The following IGSF21 variants were observed in gnomAD, a reference collection of about 807,000 sequenced individuals.
IGSF21 encodes the protein immunoglobulin superfamily member 21.
IGSF21 carries 28 observed loss-of-function variants against 46.8 expected under a neutral mutation model. That is an observed-to-expected ratio of 0.60 (90% confidence interval 0.44 to 0.82). IGSF21 has a LOEUF of 0.82. Ranked by LOEUF, IGSF21 falls within the 40% of genes least tolerant of loss-of-function variation. IGSF21 has a pLI of 0.00. For missense variants in IGSF21, 624 were observed against 665.5 expected (o/e 0.94, Z 0.69); for synonymous variants, 284 against 273.6 (o/e 1.04, Z -0.38).
In IGSF21 at chr1:18,337,259, G is replaced by C. The variant is rs1233305920; in HGVS notation, c.424+2249G>C. 1.3e-5 allele frequency among the ~76,000 whole-genome samples: 2 copies of C among 152,098 alleles called. No individual in the cohort carries two copies. The highest frequency in any genetic ancestry group is 2.9e-5 in the Non-Finnish European group (2 of 68,014). On this transcript the variant is annotated intron_variant, in intron 4 of 9. Transcript: ENST00000251296. This position sits in a 1 kb window ranked among gnomAD's most constrained non-coding sequence, Gnocchi z 5.7. ...GCCTGATGGTCTCTGCTGAGCAAGG[G>C]AGTGTGCTCCTGTGGGCCTCAATTT...
At chr1:18,239,168 C>G (rs1171540349) in intron 2 of IGSF21, among the ~76,000 whole-genome samples, 1 of 152,090 alleles carries the variant, frequency 6.6e-6, no homozygotes, top group Non-Finnish European at 1.5e-5. Context: ...TTTCCTATGC[C>G]CTGTTGGGTT....
intron 1 of IGSF21, among the ~76,000 whole-genome samples, chr1:18,196,611 CAG>C (rs1347512065): frequency 2.0e-5 from 3 of 152,220 alleles, no homozygotes; most frequent in African/African-American, 7.2e-5. Flanking sequence ...GTCTAGTTGA[CAG>C]AGTCTGTTAG....
intron 1 of IGSF21, among the ~76,000 whole-genome samples, chr1:18,198,898 T>C (rs538298013): frequency 6.6e-6 from 1 of 152,204 alleles, no homozygotes; most frequent in Admixed American, 6.5e-5. Flanking sequence ...GGAAGACCTC[T>C]CCCCTGCCCC....
intron 1 of IGSF21, among the ~76,000 whole-genome samples, chr1:18,129,820 G>A (rs577039638): frequency 1.1e-4 from 16 of 152,240 alleles, no homozygotes; most frequent in African/African-American, 2.9e-4. Flanking sequence ...TAGGTCACGC[G>A]GGCTCCACAC....
At chr1:18,362,365 T>G in intron 5 of IGSF21, 135 bp downstream of exon 5, 2 of 655,290 alleles carry the variant, frequency 3.1e-6, no homozygotes, top group Non-Finnish European at 5.4e-6. Context: ...CCCATCTGCC[T>G]TGGTCTGATC....
chr1:18,124,965 C>A (rs1362042705), intron 1 of IGSF21, among the ~76,000 whole-genome samples: 1 of 152,134 alleles, frequency 6.6e-6, no homozygotes, highest in African/African-American at 2.4e-5. Context: ...AGGGCAAAGG[C>A]ACTCGAGGGG....
chr1:18,289,845 GA>G (rs1446123312), intron 2 of IGSF21, among the ~76,000 whole-genome samples: 1 of 152,202 alleles, frequency 6.6e-6, no homozygotes, highest in Non-Finnish European at 1.5e-5. Flanking sequence ...CCCCCCAAGT[GA>G]AAAGGCCCTG....
chr1:18,149,327 G>C (rs144832141), intron 1 of IGSF21, among the ~76,000 whole-genome samples: 1 of 152,134 alleles, frequency 6.6e-6, no homozygotes, highest in Non-Finnish European at 1.5e-5. Flanking sequence ...CCGAGGCTTC[G>C]GGGCAAGGGA....
chr1:18,181,305 C>A (rs1485689714), intron 1 of IGSF21, among the ~76,000 whole-genome samples: 1 of 152,252 alleles, frequency 6.6e-6, no homozygotes, highest in Non-Finnish European at 1.5e-5. Flanking sequence ...CACTGCCCTG[C>A]TCGGCTTCTT....
Position 18,364,969 on chromosome 1 carries a change from A to C in IGSF21, c.541-254A>C, listed in dbSNP as rs571341740. On this transcript the variant is annotated intron_variant, in intron 5 of 9. Coordinates refer to ENST00000251296, the MANE Select transcript of IGSF21 (RefSeq NM_032880.5). ...TGACAAGTGAAGAAACTGAGGCTCA[A>C]AAAACCTCATCAGTTGGTAAATGAT... Among the ~76,000 whole-genome samples, 6 of 152,274 alleles carry C rather than the reference A, an allele frequency of 3.9e-5. No homozygotes were observed. The South Asian group carries it at 6.2e-4, about 16-fold the overall frequency.
At chr1:18,174,428 G>C (rs2124462691) in intron 1 of IGSF21, among the ~76,000 whole-genome samples, 1 of 152,296 alleles carries the variant, frequency 6.6e-6, no homozygotes, top group South Asian at 2.1e-4. Context: ...TGAAGTGAGG[G>C]AACTGCATGG....
intron 6 of IGSF21, among the ~76,000 whole-genome samples, chr1:18,367,421 C>A (rs1239490949): frequency 6.6e-6 from 1 of 152,016 alleles, no homozygotes; most frequent in Non-Finnish European, 1.5e-5. Context: ...AGTACTTTGC[C>A]AAGTCGTTAA....
chr1:18,222,786 A>G (rs977592256), intron 1 of IGSF21, among the ~76,000 whole-genome samples: 1 of 152,148 alleles, frequency 6.6e-6, no homozygotes, highest in Non-Finnish European at 1.5e-5. Context: ...ATTTTGTGAG[A>G]TCAGGGCTGG....
In IGSF21 at chr1:18,252,045, G is replaced by GTTTTTTT. The variant is rs59704256; in HGVS notation, c.183+24052_183+24058dup. 7.8e-4 allele frequency among the ~76,000 whole-genome samples: 56 copies of GTTTTTTT among 72,080 alleles called. 1 individual carries two copies. Among genetic ancestry groups the GTTTTTTT allele is most frequent in the Admixed American group, 9.9e-4 (5 of 5,070 alleles). 47.3% of individuals were successfully genotyped at this position (72,080 alleles called of 152,430 possible). On this transcript the variant is annotated intron_variant, in intron 2 of 9. Transcript: ENST00000251296. ...GGCTGGAACACTTTCTGACCAAGGC[G>GTTTTTTT]TTTTTTTTTTTTTTTTTTTTTTTGA...
chr1:18,321,448 G>A (rs375893241), intron 3 of IGSF21, among the ~76,000 whole-genome samples: 12 of 152,298 alleles, frequency 7.9e-5, no homozygotes, highest in African/African-American at 2.2e-4. Context: ...TGAGTTAAGG[G>A]CACTGTCTTC....
intron 4 of IGSF21, among the ~76,000 whole-genome samples, chr1:18,359,444 GAGAA>G (rs1195333033): frequency 2.0e-5 from 2 of 98,594 alleles, no homozygotes; most frequent in African/African-American, 4.0e-5. Context: ...GGAAGGAAAA[GAGAA>G]AGAAAGAAAG....
At chr1:18,318,799 T>C (rs1569801236) in intron 3 of IGSF21, among the ~76,000 whole-genome samples, 1 of 152,232 alleles carries the variant, frequency 6.6e-6, no homozygotes, top group East Asian at 1.9e-4. Context: ...ATGTTTTTAA[T>C]TAAATCAATG....
intron 3 of IGSF21, among the ~76,000 whole-genome samples, chr1:18,311,500 A>T (rs960727755): frequency 6.6e-6 from 1 of 152,190 alleles, no homozygotes; most frequent in Non-Finnish European, 1.5e-5. Context: ...CTTTGAAACC[A>T]TGTGAACAAG....
intron 6 of IGSF21, among the ~76,000 whole-genome samples, chr1:18,368,530 T>G (rs1385308926): frequency 8.2e-6 from 1 of 121,722 alleles, no homozygotes; most frequent in Non-Finnish European, 1.7e-5. Context: ...AAAAAAAAGT[T>G]GGGGGGAAAA....
Sources: gnomAD v4.1 joint callset for allele counts (sites outside exome capture counted in the v4.1 genomes callset) on GRCh38, gnomAD v4.1.1 for gene constraint, Gnocchi (gnomAD v3.1) non-coding constraint, MANE v1.5 for transcripts, NCBI Gene and HGNC (gene_info 2026-07-23, HGNC 2026-07-21) for gene names.